IGSF9B: variants seen among roughly 807,000 people sequenced by gnomAD.
The protein encoded by IGSF9B is immunoglobulin superfamily member 9B.
A neutral mutation model predicts 143.7 loss-of-function variants in IGSF9B; 48 were observed. That is an observed-to-expected ratio of 0.33 (90% CI 0.26 to 0.42). IGSF9B has a LOEUF of 0.42. Ranked by LOEUF, IGSF9B falls within the 20% of genes least tolerant of loss-of-function variation. The pLI is 1.00. For synonymous variants in IGSF9B, 903 were observed against 833.1 expected, an observed-to-expected ratio of 1.08 and a Z score of -1.44; for missense variants, 1,706 against 1,980.0, an observed-to-expected ratio of 0.86 and a Z score of 2.63.
chr11:133,909,192 T>G lies in IGSF9B; in HGVS notation c.4191A>C (p.Arg1397Ser). The G allele has an allele frequency of 1.3e-6, 2 of 1,535,850 alleles. No homozygotes were observed. The highest frequency in any genetic ancestry group is 1.7e-6 in the Non-Finnish European group (2 of 1,146,726). The part of the protein sequence containing the change: ...DEAVCLRKKK[R>S]HSRPDPFARL... The stretch of plus-strand genomic sequence containing the variant: ...GGGCAAAGGGGTCAGGACGAGAATG[T>G]CTCTTCTTCTTTCGGAGGCAGACAG... The change falls in exon 20 of 20, where the codon AGA becomes AGC. Residue 1397 changes from arginine to serine, a missense_variant. Transcript: ENST00000533871. This position sits in a 1 kb window ranked among gnomAD's most constrained non-coding sequence, Gnocchi z 4.2.
chr11:133,905,639 G>A lies in IGSF9B; in HGVS notation c.*3430C>T, dbSNP rs1939200222. Among the ~76,000 whole-genome samples, 1 of 152,214 alleles carries A rather than the reference G, an allele frequency of 6.6e-6. No individual in the cohort carries two copies. The highest frequency in any genetic ancestry group is 1.5e-5 in the Non-Finnish European group (1 of 68,050). ...GTGGGACTAAGCACCTCAAAGGAGG[G>A]CACAGACCCCGCCAGCCTGCTGGGA... On this transcript the variant is annotated 3_prime_UTR_variant, in exon 20 of 20. Transcript: ENST00000533871. This position sits in a 1 kb window ranked among gnomAD's most constrained non-coding sequence, Gnocchi z 4.0.
intron 11 of IGSF9B, among the ~76,000 whole-genome samples, chr11:133,930,652 G>A (rs1243965467): frequency 1.3e-5 from 2 of 152,126 alleles, no homozygotes; most frequent in Non-Finnish European, 2.9e-5. Context: ...CCTCATTCCA[G>A]CCCTCCAGCT....
At chr11:133,956,387 G>T (rs956032309) in intron 1 of IGSF9B, among the ~76,000 whole-genome samples, 1 of 152,158 alleles carries the variant, frequency 6.6e-6, no homozygotes, top group Non-Finnish European at 1.5e-5. Flanking sequence ...GCGCGCCGGT[G>T]TGCACCGTGG....
chr11:133,934,449 C>T (rs1435343550), intron 7 of IGSF9B, among the ~76,000 whole-genome samples: 3 of 152,252 alleles, frequency 2.0e-5, no homozygotes, highest in Non-Finnish European at 2.9e-5. Context: ...CTTCTCAACT[C>T]GCTTTTTCCC....
At position 133,925,586 on chromosome 11, in the gene IGSF9B, G is replaced by A. The variant is rs749374212; in HGVS notation, c.2034+153C>T. ...TCTGAGGAGTCCAGGCCTTGGTAGC[G>A]AGTCTGGGAGAATCCAGGACCAGTG... On this transcript the variant is annotated intron_variant, in intron 14 of 19. Coordinates refer to ENST00000533871, the MANE Select transcript of IGSF9B (RefSeq NM_001277285.4). 5.3e-5 allele frequency among the ~76,000 whole-genome samples: 8 copies of A among 152,178 alleles called. No homozygotes were observed. The East Asian group carries it at 5.8e-4, about 11-fold the overall frequency.
At chr11:133,933,137 G>A (rs1019539895) in intron 7 of IGSF9B, among the ~76,000 whole-genome samples, 7 of 152,256 alleles carry the variant, frequency 4.6e-5, no homozygotes, top group Admixed American at 2.6e-4. Context: ...TCAGATGCAC[G>A]TCCGAGCCTG....
intron 1 of IGSF9B, 142 bp from the exon 2 acceptor site, chr11:133,946,400 A>T: frequency 1.5e-6 from 1 of 677,898 alleles, no homozygotes; most frequent in Non-Finnish European, 2.5e-6. Flanking sequence ...GGAGGGTCCC[A>T]GGCACACCCT....
At position 133,953,579 on chromosome 11, in the gene IGSF9B, G is replaced by A. The variant is rs1940201528; in HGVS notation, c.64+3112C>T. Among the ~76,000 whole-genome samples, 1 of 152,270 alleles carries A rather than the reference G, an allele frequency of 6.6e-6. No individual in the cohort carries two copies. The highest frequency in any genetic ancestry group is 2.4e-5 in the African/African-American group (1 of 41,472). On this transcript the variant is annotated intron_variant, in intron 1 of 19. Transcript: ENST00000533871. The surrounding 1 kb of genome is among the most constrained non-coding windows in gnomAD (Gnocchi z 4.2). ...AGCATAGGTCAAGGCCAGGTAGAAA[G>A]TAGAGGGCAATGGCCCAACTACCAG...
rs536082582 is a variant in IGSF9B, at chr11:133,902,364, T to C, written c.*6705A>G. On this transcript the variant is annotated 3_prime_UTR_variant, in exon 20 of 20. Transcript: ENST00000533871. Reference sequence around the variant, plus strand: ...CCCACACACATACACAACCACACAATAGACACACCACACACAACACACCAC... The same window carrying C: ...CCCACACACATACACAACCACACAACAGACACACCACACACAACACACCAC... Among the ~76,000 whole-genome samples, 708 of 110,726 alleles carry C rather than the reference T, an allele frequency of 6.4e-3. 8 individuals are homozygous for C. Among genetic ancestry groups the C allele is most frequent in the African/African-American group, 0.024 (669 of 28,174 alleles). 72.6% of individuals were successfully genotyped at this position (110,726 alleles called of 152,430 possible).
At chr11:133,955,592 C>T (rs1940236644) in intron 1 of IGSF9B, among the ~76,000 whole-genome samples, 1 of 152,218 alleles carries the variant, frequency 6.6e-6, no homozygotes, top group South Asian at 2.1e-4. Context: ...CCGCCATCTC[C>T]TCCGGCTTGG....
chr11:133,956,274 G>A (rs1000673170), intron 1 of IGSF9B, among the ~76,000 whole-genome samples: 178 of 152,248 alleles, frequency 1.2e-3, no homozygotes, highest in Non-Finnish European at 1.6e-3. Context: ...CTCGCGGCGC[G>A]GGGCTCTAGC....
intron 18 of IGSF9B, 99 bp downstream of exon 18, chr11:133,919,643 C>T: frequency 1.3e-6 from 1 of 794,198 alleles, no homozygotes; most frequent in African/African-American, 1.8e-5. Flanking sequence ...TCCGCACGAG[C>T]CCTGTCGCCG....
chr11:133,912,861 A>G (rs2075446544), intron 18 of IGSF9B, among the ~76,000 whole-genome samples: 1 of 152,214 alleles, frequency 6.6e-6, no homozygotes, highest in Non-Finnish European at 1.5e-5. Flanking sequence ...CTGGTGGATC[A>G]ACTGCCCGGT....
rs1003702815 is a variant in IGSF9B at position 133,898,982 on chromosome 11, G to A, written c.*10087C>T. The A allele has an allele frequency of 6.6e-6, 1 of 152,326 alleles. No individual in the cohort carries two copies. Among genetic ancestry groups the A allele is most frequent in the African/African-American group, 2.4e-5 (1 of 41,454 alleles). 9.4% of individuals were successfully genotyped at this position (152,326 alleles called of 1,614,324 possible). A position where few individuals can be genotyped will look rare whatever the true frequency, so the allele number is the denominator to read the frequency against. ...GAGCCTTTTCCCCAAGCTGCTGGTTGGTGACAGTGGGGAAGAGGGACAGGG... is the reference window on the plus strand; with the variant it reads ...GAGCCTTTTCCCCAAGCTGCTGGTTAGTGACAGTGGGGAAGAGGGACAGGG... On this transcript the variant is annotated 3_prime_UTR_variant, in exon 20 of 20. Coordinates refer to ENST00000533871, the MANE Select transcript of IGSF9B (RefSeq NM_001277285.4).
intron 16 of IGSF9B, among the ~76,000 whole-genome samples, 153 bp from the exon 17 acceptor site, chr11:133,922,375 G>C (rs1939557172): frequency 6.6e-6 from 1 of 152,168 alleles, no homozygotes; most frequent in Non-Finnish European, 1.5e-5. Context: ...ATGCTAGCTT[G>C]GGCCCCAGCA....
rs564028707 is a variant in IGSF9B, at chr11:133,920,313, T to C, written c.3412A>G (p.Thr1138Ala). Residue 1138 changes from threonine to alanine, a missense_variant, in exon 18 of 20, where the codon ACA becomes GCA. Physicochemically the swap from Thr to Ala is moderately conservative, Grantham distance 58. Transcript: ENST00000533871. ...ACAGGTATGCCCATGCCTTGGCTTG[T>C]ATGTCGCAGCTGCCCTTGGCTTACC... is the stretch of plus-strand genomic sequence containing the variant. ...PLVSQGQLRH[T>A]SQGMGIPVLP... is the part of the protein sequence containing the mutation. 227 of 1,573,672 alleles carry C rather than the reference T, an allele frequency of 1.4e-4. No homozygotes were observed. The highest frequency in any genetic ancestry group is 1.0e-3 in the South Asian group (88 of 86,410).
At position 133,920,301 on chromosome 11, in the gene IGSF9B, T is replaced by TGCCTTGGCTTGTATGTCGCAGCTG. The variant is rs747846112; in HGVS notation, c.3400_3423dup (p.Gln1134_Gly1141dup). On this transcript the variant is annotated inframe_insertion, in exon 18 of 20. Coordinates refer to ENST00000533871, the MANE Select transcript of IGSF9B (RefSeq NM_001277285.4). ...GGGTAAGGCAGCACAGGTATGCCCA[T>TGCCTTGGCTTGTATGTCGCAGCTG]GCCTTGGCTTGTATGTCGCAGCTGC... 6.4e-7 allele frequency: 1 copy of TGCCTTGGCTTGTATGTCGCAGCTG among 1,561,742 alleles called. No homozygotes were observed. The highest frequency in any genetic ancestry group is 8.7e-7 in the Non-Finnish European group (1 of 1,154,288).
intron 18 of IGSF9B, among the ~76,000 whole-genome samples, chr11:133,915,943 C>G (rs1236545523): frequency 6.6e-6 from 1 of 152,222 alleles, no homozygotes; most frequent in Non-Finnish European, 1.5e-5. Context: ...TCTGAGCCCA[C>G]CCCGCTGACC....
rs775678298 is a variant in IGSF9B, at chr11:133,920,992, C to T, written c.2733G>A (p.Gln911=). Residue 911 remains glutamine (Q), a synonymous_variant, in exon 18 of 20, where the codon CAG becomes CAA. Transcript: ENST00000533871. ...VPTSVAALKS[Q]LTPLSSSQES... The stretch of plus-strand genomic sequence containing the variant: ...CCTGGCTGGATGACAGAGGGGTGAG[C>T]TGGGACTTCAGGGCGGCCACAGATG... 1 of 1,611,146 alleles carries T rather than the reference C, an allele frequency of 6.2e-7. No individual in the cohort carries two copies. Among genetic ancestry groups the T allele is most frequent in the Non-Finnish European group, 8.5e-7 (1 of 1,178,066 alleles).
Sources: gnomAD v4.1 joint callset for allele counts (sites outside exome capture counted in the v4.1 genomes callset) on GRCh38, gnomAD v4.1.1 for gene constraint, Gnocchi (gnomAD v3.1) non-coding constraint, MANE v1.5 for transcripts, NCBI Gene and HGNC (gene_info 2026-07-23, HGNC 2026-07-21) for gene names.